LRP1B: variants seen among roughly 807,000 people sequenced by gnomAD.
LRP1B encodes LDL receptor related protein 1B.
A neutral mutation model predicts 556.6 loss-of-function variants in LRP1B; 217 were observed. That is an observed-to-expected ratio of 0.39 (90% CI 0.35 to 0.44). The LOEUF (loss-of-function observed/expected upper bound fraction) is 0.44. LRP1B is among the 20% of genes least tolerant of loss of function. The pLI, the probability that LRP1B is intolerant of heterozygous loss-of-function variation, is 1.00. For synonymous variants in LRP1B, 2,047 were observed against 1,865.8 expected (o/e 1.10, Z -2.50); for missense variants, 5,053 against 5,620.8 (o/e 0.90, Z 3.23).
intron 20 of LRP1B, among the ~76,000 whole-genome samples, chr2:140,925,506 C>T (rs1228069494): frequency 6.6e-6 from 1 of 152,114 alleles, no homozygotes; most frequent in Non-Finnish European, 1.5e-5. Flanking sequence ...CATACCTTGG[C>T]TCATCTGACT....
intron 3 of LRP1B, among the ~76,000 whole-genome samples, chr2:141,412,716 G>A (rs971787820): frequency 1.3e-5 from 2 of 151,752 alleles, no homozygotes; most frequent in East Asian, 3.9e-4. Context: ...AATATTTTAT[G>A]GGGGAAAACA....
chr2:141,790,756 A>C (rs1192944922), intron 2 of LRP1B, among the ~76,000 whole-genome samples: 2 of 151,978 alleles, frequency 1.3e-5, no homozygotes, highest in African/African-American at 4.8e-5. Flanking sequence ...ATGATTCTAG[A>C]AATTTTAAGG....
chr2:142,025,925 C>T (rs543426092), intron 1 of LRP1B, among the ~76,000 whole-genome samples: 11 of 152,102 alleles, frequency 7.2e-5, no homozygotes, highest in Admixed American at 2.6e-4. Context: ...TACTACCCAG[C>T]ATCTTCCATA....
chr2:140,815,143 T>TAAA (rs556152392), intron 31 of LRP1B, among the ~76,000 whole-genome samples: 1 of 141,108 alleles, frequency 7.1e-6, no homozygotes, highest in Admixed American at 7.1e-5. Context: ...TTCCTTCCCT[T>TAAA]AAAAAAAAAA....
At chr2:140,516,773 G>A in intron 50 of LRP1B, 116 bp downstream of exon 50, 2 of 945,546 alleles carry the variant, frequency 2.1e-6, no homozygotes, top group Non-Finnish European at 3.1e-6. Flanking sequence ...TAATAAAAAT[G>A]AAAATTAATG....
intron 6 of LRP1B, among the ~76,000 whole-genome samples, chr2:141,196,687 C>T (rs1574180809): frequency 6.6e-6 from 1 of 151,954 alleles, no homozygotes; most frequent in African/African-American, 2.4e-5. Context: ...AAAACTCCTC[C>T]CCAAATGGAA....
rs1682671127 is a variant in LRP1B, at chr2:140,601,515, C to T, written c.6924G>A (p.Arg2308=). The change falls in exon 42 of 91, where the codon AGG becomes AGA. Residue 2308 remains arginine (R), a synonymous_variant. Coordinates refer to ENST00000389484, the MANE Select transcript of LRP1B (RefSeq NM_018557.3). Reference sequence around the variant, plus strand: ...CTTCTGACATGGTGATGACAGCTTCCCTGTCAAATGCTCCAGGCCGAGTCT... The same window carrying T: ...CTTCTGACATGGTGATGACAGCTTCTCTGTCAAATGCTCCAGGCCGAGTCT... ...VDQTRPGAFD[R]EAVITMSEDD... The T allele has an allele frequency of 6.2e-7, 1 of 1,613,042 alleles. No individual in the cohort carries two copies. Among genetic ancestry groups the T allele is most frequent in the Non-Finnish European group, 8.5e-7 (1 of 1,179,364 alleles).
intron 7 of LRP1B, among the ~76,000 whole-genome samples, chr2:141,172,284 G>A (rs1680533807): frequency 6.6e-6 from 1 of 152,016 alleles, no homozygotes; most frequent in Non-Finnish European, 1.5e-5. Flanking sequence ...GGTCTCAGCT[G>A]GCCTGTGTGT....
chr2:140,319,266 C>T (rs1283646012), intron 82 of LRP1B, among the ~76,000 whole-genome samples: 1 of 152,094 alleles, frequency 6.6e-6, no homozygotes, highest in Admixed American at 6.6e-5. Flanking sequence ...TGACTCTAAA[C>T]AATACTTGTA....
chr2:141,956,686 G>A (rs1226344209), intron 1 of LRP1B, among the ~76,000 whole-genome samples: 1 of 151,976 alleles, frequency 6.6e-6, no homozygotes, highest in African/African-American at 2.4e-5. Context: ...TAAATTCTGT[G>A]TGGGCAGATA....
chr2:141,743,111 G>A (rs11886854), intron 2 of LRP1B, among the ~76,000 whole-genome samples: 15,510 of 151,872 alleles, frequency 0.1, 2,556 homozygotes, highest in African/African-American at 0.35. Flanking sequence ...TTGGATGATT[G>A]TTATAGCTAT....
intron 1 of LRP1B, among the ~76,000 whole-genome samples, chr2:141,979,020 T>C (rs1701968885): frequency 6.6e-6 from 1 of 151,842 alleles, no homozygotes; most frequent in Non-Finnish European, 1.5e-5. Flanking sequence ...TGGTCTATAG[T>C]TTTTGAGAAT....
intron 5 of LRP1B, 112 bp downstream of exon 5, chr2:141,247,114 A>C: frequency 8.2e-7 from 1 of 1,215,670 alleles, no homozygotes; most frequent in Non-Finnish European, 1.2e-6. Context: ...ATGAAAGCAA[A>C]TCTCTCTCTT....
intron 66 of LRP1B, among the ~76,000 whole-genome samples, chr2:140,437,558 A>G (rs987222998): frequency 6.6e-6 from 1 of 152,194 alleles, no homozygotes; most frequent in Non-Finnish European, 1.5e-5. Context: ...AGTGTGGACC[A>G]TTTTCCAAGA....
At chr2:140,321,395 T>C (rs893193621) in intron 82 of LRP1B, among the ~76,000 whole-genome samples, 4 of 151,840 alleles carry the variant, frequency 2.6e-5, no homozygotes, top group Admixed American at 1.3e-4. Flanking sequence ...ATTAGTGTTA[T>C]GCCTTCCTTC....
At chr2:140,341,661 C>T (rs1681397360) in intron 77 of LRP1B, among the ~76,000 whole-genome samples, 1 of 151,250 alleles carries the variant, frequency 6.6e-6, no homozygotes, top group Non-Finnish European at 1.5e-5. Context: ...CGAAATATGG[C>T]CTATGTATGG....
chr2:141,685,965 C>A (rs540384142), intron 2 of LRP1B, among the ~76,000 whole-genome samples: 29 of 152,068 alleles, frequency 1.9e-4, no homozygotes, highest in African/African-American at 6.7e-4. Context: ...TGCATTTATC[C>A]AAACAATTTC....
At chr2:140,596,975 C>A (rs1160817867) in intron 43 of LRP1B, among the ~76,000 whole-genome samples, 1 of 152,128 alleles carries the variant, frequency 6.6e-6, no homozygotes, top group Non-Finnish European at 1.5e-5. Flanking sequence ...CTTAATAAAT[C>A]TGCACAAAGT....
rs370321995 is a variant in LRP1B at position 140,773,289 on chromosome 2, A to C, written c.5501-2283T>G. On this transcript the variant is annotated intron_variant, in intron 33 of 90. Coordinates refer to ENST00000389484, the MANE Select transcript of LRP1B (RefSeq NM_018557.3). ...GGACCAGAGCGGCCAACATGGTGAA[A>C]CCCCGTCTCTGCTAAAAAATCCAAA... 7.9e-3 allele frequency among the ~76,000 whole-genome samples: 1,202 copies of C among 152,028 alleles called. 19 individuals are homozygous for C. Among genetic ancestry groups the C allele is most frequent in the African/African-American group, 0.028 (1,152 of 41,460 alleles).
Sources: gnomAD v4.1 joint callset for allele counts (sites outside exome capture counted in the v4.1 genomes callset) on GRCh38, gnomAD v4.1.1 for gene constraint, MANE v1.5 for transcripts, NCBI Gene and HGNC (gene_info 2026-07-23, HGNC 2026-07-21) for gene names.